Variants in ADAMTS3 observed in about 807,000 individuals in gnomAD.
ADAMTS3 encodes the protein A disintegrin and metalloproteinase with thrombospondin motifs 3.
ADAMTS3 carries 73 observed loss-of-function variants against 129.0 expected under a neutral mutation model. The ratio of observed to expected loss-of-function variants is 0.57; its 90% CI spans 0.47 to 0.69. ADAMTS3 has a LOEUF of 0.69. ADAMTS3 is among the 30% of genes least tolerant of loss of function. The pLI, the probability that ADAMTS3 is intolerant of heterozygous loss-of-function variation, is 0.00. For missense variants in ADAMTS3, 1,457 were observed against 1,514.5 expected, an observed-to-expected ratio of 0.96 and a Z score of 0.63; for synonymous variants, 477 against 510.8, an observed-to-expected ratio of 0.93 and a Z score of 0.89.
Position 72,376,357 on chromosome 4 carries a change from A to G in ADAMTS3, c.662-36664T>C, listed in dbSNP as rs190610271. 2.8e-3 allele frequency among the ~76,000 whole-genome samples: 423 copies of G among 152,266 alleles called. 1 individual carries two copies. Among genetic ancestry groups the G allele is most frequent in the African/African-American group, 9.4e-3 (389 of 41,550 alleles). On this transcript the variant is annotated intron_variant, in intron 4 of 21. Transcript: ENST00000286657. ...GGCAGCTCTTTGGGGTTTCTTTTAT[A>G]AGGGCACTAATCACTAGCATTAACC...
chr4:72,506,636 A>T (rs750613514), intron 3 of ADAMTS3, among the ~76,000 whole-genome samples: 3 of 152,190 alleles, frequency 2.0e-5, no homozygotes, highest in Non-Finnish European at 4.4e-5. Flanking sequence ...TCTTTCCCTC[A>T]CAGCATCTCT....
chr4:72,320,810 C>G lies in ADAMTS3; in HGVS notation c.1006G>C (p.Ala336Pro), dbSNP rs1719533584. The change falls in exon 7 of 22, where the codon GCG becomes CCG. Residue 336 changes from alanine to proline, a missense_variant. Transcript: ENST00000286657. ...AGATCAGATCTTTGCTGTTGGGACG[C>G]CCAGCGACACACATTCTCCAAGCTT... ...SRSLENVCRW[A>P]SQQQRSDLNH... is the part of the protein sequence containing the mutation. 1 of 1,613,806 alleles carries G rather than the reference C, an allele frequency of 6.2e-7. No individual in the cohort carries two copies. Among genetic ancestry groups the G allele is most frequent in the Non-Finnish European group, 8.5e-7 (1 of 1,179,898 alleles).
chr4:72,348,102 A>C (rs1720334769), intron 4 of ADAMTS3, among the ~76,000 whole-genome samples: 2 of 152,086 alleles, frequency 1.3e-5, no homozygotes, highest in African/African-American at 4.8e-5. Context: ...CTGTGAGATA[A>C]ATATTTAAAG....
intron 16 of ADAMTS3, among the ~76,000 whole-genome samples, chr4:72,304,346 A>G (rs1312428790): frequency 6.6e-6 from 1 of 152,164 alleles, no homozygotes; most frequent in Non-Finnish European, 1.5e-5. Context: ...CCCATTTGAA[A>G]ACATCGTCAA....
chr4:72,493,318 CT>C (rs1395073912), intron 3 of ADAMTS3, among the ~76,000 whole-genome samples: 1 of 151,820 alleles, frequency 6.6e-6, no homozygotes, highest in Non-Finnish European at 1.5e-5. Flanking sequence ...CTTTTGTTAT[CT>C]TCCTTTGTTA....
intron 3 of ADAMTS3, among the ~76,000 whole-genome samples, chr4:72,537,708 A>G (rs546492579): frequency 1.8e-4 from 27 of 152,218 alleles, no homozygotes; most frequent in Non-Finnish European, 3.7e-4. Context: ...CAGAAGCTCA[A>G]TTTAAAACCA....
chr4:72,453,496 A>C (rs894935620), intron 3 of ADAMTS3, among the ~76,000 whole-genome samples: 3 of 151,838 alleles, frequency 2.0e-5, no homozygotes, highest in Admixed American at 6.6e-5. Context: ...CAGATGAGGA[A>C]ACTGAGCACA....
intron 3 of ADAMTS3, among the ~76,000 whole-genome samples, chr4:72,416,212 AAT>A (rs1008079624): frequency 3.5e-5 from 1 of 28,202 alleles, no homozygotes; most frequent in Non-Finnish European, 9.0e-5. Context: ...TAAATAAATA[AAT>A]ATATATATAT....
chr4:72,548,698 A>C lies in ADAMTS3; in HGVS notation c.284T>G (p.Leu95Arg). Residue 95 changes from leucine (L) to arginine (R), a missense_variant, in exon 3 of 22, where the codon CTA becomes CGA. Leu to Arg is a moderately radical substitution (Grantham distance 102). Coordinates refer to ENST00000286657, the MANE Select transcript of ADAMTS3 (RefSeq NM_014243.3). The part of the protein sequence containing the change: ...TAFGKDFHLR[L>R]KPNTQLVAPG... Reference sequence around the variant, plus strand: ...AGCTACTAGTTGAGTGTTGGGCTTTAGTCGCAGATGAAAATCTTTTCCAAA... The same window carrying C: ...AGCTACTAGTTGAGTGTTGGGCTTTCGTCGCAGATGAAAATCTTTTCCAAA... 2 of 1,614,046 alleles carry C rather than the reference A, an allele frequency of 1.2e-6. No homozygotes were observed. Among genetic ancestry groups the C allele is most frequent in the Non-Finnish European group, 8.5e-7 (1 of 1,179,930 alleles).
chr4:72,553,108 T>C (rs1721683435), intron 2 of ADAMTS3, among the ~76,000 whole-genome samples: 1 of 35,492 alleles, frequency 2.8e-5, no homozygotes, highest in Admixed American at 3.5e-4. Context: ...GAAATTAGCA[T>C]GCATCTTCTT....
At chr4:72,512,796 A>G (rs1046619851) in intron 3 of ADAMTS3, among the ~76,000 whole-genome samples, 1 of 152,044 alleles carries the variant, frequency 6.6e-6, no homozygotes, top group Non-Finnish European at 1.5e-5. Context: ...ATTTACATTC[A>G]TTTTTTCTAA....
rs533245253 is a variant in ADAMTS3 at position 72,334,061 on chromosome 4, G to C, written c.861+5433C>G. 4.0e-4 allele frequency among the ~76,000 whole-genome samples: 61 copies of C among 151,968 alleles called. 1 individual carries two copies. The South Asian group carries it at 0.013, about 32-fold the overall frequency. On this transcript the variant is annotated intron_variant, in intron 5 of 21. Transcript: ENST00000286657. The stretch of plus-strand genomic sequence containing the variant: ...GTAGAGACGGGGTTTCACCGTGTTA[G>C]CCAGGATGGTCTCAATTTCATGACC...
At chr4:72,419,686 C>T (rs1722395899) in intron 3 of ADAMTS3, among the ~76,000 whole-genome samples, 1 of 152,150 alleles carries the variant, frequency 6.6e-6, no homozygotes, top group South Asian at 2.1e-4. Context: ...GACAATTCTT[C>T]TTCCAATGTG....
intron 4 of ADAMTS3, among the ~76,000 whole-genome samples, chr4:72,359,906 T>C (rs1179011932): frequency 6.6e-6 from 1 of 152,048 alleles, no homozygotes; most frequent in Non-Finnish European, 1.5e-5. Flanking sequence ...TTATCAGCAT[T>C]AGAATTAATT....
At chr4:72,549,469 G>GGAGGTCCTTTGTCC (rs1204912802) in intron 2 of ADAMTS3, among the ~76,000 whole-genome samples, 4 of 152,056 alleles carry the variant, frequency 2.6e-5, no homozygotes, top group African/African-American at 9.7e-5. Context: ...TTCAGGGGTA[G>GGAGGTCCTTTGTCC]GAGGTCCTTT....
At chr4:72,531,740 T>A (rs1340587862) in intron 3 of ADAMTS3, among the ~76,000 whole-genome samples, 1 of 152,122 alleles carries the variant, frequency 6.6e-6, no homozygotes, top group Non-Finnish European at 1.5e-5. Context: ...GGCCACCAAA[T>A]AACAGCACCA....
intron 5 of ADAMTS3, among the ~76,000 whole-genome samples, chr4:72,334,358 A>G (rs1719931014): frequency 6.6e-6 from 1 of 152,132 alleles, no homozygotes; most frequent in Non-Finnish European, 1.5e-5. Context: ...ATACTTATTA[A>G]AAGACTGAAT....
intron 3 of ADAMTS3, among the ~76,000 whole-genome samples, chr4:72,504,265 A>C (rs1294566345): frequency 6.6e-6 from 1 of 152,138 alleles, no homozygotes; most frequent in Non-Finnish European, 1.5e-5. Flanking sequence ...AAGTTGGTCT[A>C]GTGGTAAATT....
intron 3 of ADAMTS3, among the ~76,000 whole-genome samples, chr4:72,445,599 T>A (rs1391506665): frequency 3.3e-5 from 5 of 151,712 alleles, no homozygotes; most frequent in African/African-American, 9.7e-5. Context: ...AATCTTACTT[T>A]TATTAGCAAC....
Sources: gnomAD v4.1 joint callset for allele counts (sites outside exome capture counted in the v4.1 genomes callset) on GRCh38, gnomAD v4.1.1 for gene constraint, MANE v1.5 for transcripts, NCBI Gene and HGNC (gene_info 2026-07-23, HGNC 2026-07-21) for gene names.